PRKD1: variants seen among roughly 807,000 people sequenced by gnomAD.
PRKD1 encodes the protein protein kinase D1.
Under a neutral mutation model 95.9 loss-of-function variants are expected in PRKD1, and 63 were observed. The observed-to-expected ratio is 0.66, with a 90% CI of 0.54 to 0.81. The LOEUF is 0.81. Among genes scored for constraint, PRKD1 ranks in the 30% least tolerant of loss-of-function variants. PRKD1 has a pLI of 0.00. For synonymous variants in PRKD1, 425 were observed against 423.1 expected (o/e 1.00, Z -0.05); for missense variants, 1,048 against 1,165.3 (o/e 0.90, Z 1.47).
intron 2 of PRKD1, among the ~76,000 whole-genome samples, chr14:29,672,802 G>T (rs1282643445): frequency 3.9e-5 from 6 of 151,978 alleles, no homozygotes; most frequent in African/African-American, 1.5e-4. Context: ...TCCCCAGGCA[G>T]TTTTAGATTC....
chr14:29,890,855 A>G (rs190206250), intron 1 of PRKD1, among the ~76,000 whole-genome samples: 3 of 152,338 alleles, frequency 2.0e-5, no homozygotes, highest in Admixed American at 2.0e-4. Context: ...TATGCTGTTA[A>G]TGTTGAATGA....
At chr14:29,652,086 A>G (rs746096779) in intron 4 of PRKD1, among the ~76,000 whole-genome samples, 1 of 152,064 alleles carries the variant, frequency 6.6e-6, no homozygotes, top group Non-Finnish European at 1.5e-5. Flanking sequence ...AGAAGTTATG[A>G]GCAGTCGGTA....
At chr14:29,807,203 G>A (rs1890272269) in intron 1 of PRKD1, among the ~76,000 whole-genome samples, 1 of 152,122 alleles carries the variant, frequency 6.6e-6, no homozygotes, top group Non-Finnish European at 1.5e-5. Flanking sequence ...GCAGAGCTCA[G>A]ACGGTAATGC....
chr14:29,587,084 G>A (rs564362368), intron 16 of PRKD1, among the ~76,000 whole-genome samples: 4 of 152,314 alleles, frequency 2.6e-5, no homozygotes, highest in South Asian at 2.1e-4. Context: ...TGGGGGAGAC[G>A]TGATGATGGC....
chr14:29,842,883 G>C (rs1891914362), intron 1 of PRKD1, among the ~76,000 whole-genome samples: 1 of 152,112 alleles, frequency 6.6e-6, no homozygotes, highest in African/African-American at 2.4e-5. Flanking sequence ...TAGCAGGGAA[G>C]AGAGAATGGC....
chr14:29,697,740 G>A (rs1017391364), intron 2 of PRKD1, among the ~76,000 whole-genome samples: 2 of 151,930 alleles, frequency 1.3e-5, no homozygotes, highest in Non-Finnish European at 2.9e-5. Context: ...AATTTCTCCA[G>A]CAATTTCAGC....
At chr14:29,690,853 T>C (rs1006330046) in intron 2 of PRKD1, among the ~76,000 whole-genome samples, 2 of 152,202 alleles carry the variant, frequency 1.3e-5, no homozygotes, top group Admixed American at 1.3e-4. Flanking sequence ...TAAATCCTAG[T>C]CATCCTTCAG....
At chr14:29,924,512 C>A (rs1008641239) in intron 1 of PRKD1, among the ~76,000 whole-genome samples, 6 of 152,116 alleles carry the variant, frequency 3.9e-5, no homozygotes, top group African/African-American at 1.4e-4. Flanking sequence ...ATTTCCAATG[C>A]TCGTATGATC....
At position 29,583,399 on chromosome 14, in the gene PRKD1, C is replaced by T. The variant is rs796601564; in HGVS notation, c.2435-5039G>A. On this transcript the variant is annotated intron_variant, in intron 16 of 17. Coordinates refer to ENST00000331968, the MANE Select transcript of PRKD1 (RefSeq NM_002742.3). The stretch of plus-strand genomic sequence containing the variant: ...GCTATTTTCTCAGTTTGAATACCCC[C>T]ACCTCACACCACTTTGTTCCTGAAG... Among the ~76,000 whole-genome samples the T allele has an allele frequency of 1.2e-4, 19 of 152,214 alleles. 1 individual carries two copies. Among genetic ancestry groups the T allele is most frequent in the African/African-American group, 4.6e-4 (19 of 41,544 alleles).
chr14:29,733,964 T>A (rs1379367868), intron 1 of PRKD1, among the ~76,000 whole-genome samples: 3 of 151,696 alleles, frequency 2.0e-5, no homozygotes, highest in African/African-American at 7.3e-5. Flanking sequence ...GTCTATCACC[T>A]TTACCATTTC....
intron 16 of PRKD1, among the ~76,000 whole-genome samples, chr14:29,585,049 A>G (rs1290485792): frequency 1.3e-5 from 2 of 152,136 alleles, no homozygotes; most frequent in East Asian, 3.8e-4. Flanking sequence ...GCCTTCAGGC[A>G]AGTGTTTTCT....
At chr14:29,626,043 T>A (rs953094974) in intron 12 of PRKD1, among the ~76,000 whole-genome samples, 10 of 151,892 alleles carry the variant, frequency 6.6e-5, no homozygotes, top group Admixed American at 2.6e-4. Flanking sequence ...TAAAAAAAAA[T>A]TCAAACCTTC....
intron 1 of PRKD1, among the ~76,000 whole-genome samples, chr14:29,811,718 CA>C (rs1024285570): frequency 1.3e-5 from 2 of 152,178 alleles, no homozygotes; most frequent in African/African-American, 4.8e-5. Flanking sequence ...AAGTGGACAA[CA>C]GCACAAGTGG....
intron 1 of PRKD1, among the ~76,000 whole-genome samples, chr14:29,889,384 T>G (rs1021549474): frequency 1.3e-5 from 2 of 152,088 alleles, no homozygotes; most frequent in Non-Finnish European, 2.9e-5. Context: ...GGTTGGACAG[T>G]AGGTGCAGCC....
At position 29,790,315 on chromosome 14, in the gene PRKD1, G is replaced by A. The variant is rs151326495; in HGVS notation, c.265-64641C>T. Among the ~76,000 whole-genome samples the A allele has an allele frequency of 4.1e-3, 625 of 151,986 alleles. 3 individuals are homozygous for A. The highest frequency in any genetic ancestry group is 6.1e-3 in the Non-Finnish European group (417 of 67,968). On this transcript the variant is annotated intron_variant, in intron 1 of 17. Transcript: ENST00000331968. ...TGGGATTACAAGTGTGAGCCACCAC[G>A]CCCACAGTCTAATTATTACTTAGAT... is the stretch of plus-strand genomic sequence containing the variant.
chr14:29,703,850 G>T (rs562634230), intron 2 of PRKD1, among the ~76,000 whole-genome samples: 37 of 152,238 alleles, frequency 2.4e-4, no homozygotes, highest in Admixed American at 7.8e-4. Context: ...TATGAATCAA[G>T]ATTTGAATAC....
intron 1 of PRKD1, among the ~76,000 whole-genome samples, chr14:29,896,234 T>C (rs1291545027): frequency 1.3e-5 from 2 of 151,856 alleles, no homozygotes; most frequent in Non-Finnish European, 2.9e-5. Flanking sequence ...ATTTAGGAGG[T>C]TTTCCTATGT....
chr14:29,922,738 T>C (rs1363735467), intron 1 of PRKD1, among the ~76,000 whole-genome samples: 1 of 151,640 alleles, frequency 6.6e-6, no homozygotes, highest in African/African-American at 2.4e-5. Flanking sequence ...TTATAAAAAT[T>C]AGTCAGATGT....
intron 1 of PRKD1, among the ~76,000 whole-genome samples, chr14:29,885,699 C>T (rs1231307872): frequency 6.7e-6 from 1 of 149,744 alleles, no homozygotes; most frequent in Non-Finnish European, 1.5e-5. Flanking sequence ...GGCATGGTGG[C>T]GCACACCTTT....
Sources: allele counts gnomAD v4.1 joint callset (sites outside exome capture counted in the v4.1 genomes callset), GRCh38; gene constraint gnomAD v4.1.1; transcripts MANE v1.5; gene names NCBI Gene and HGNC (gene_info 2026-07-23, HGNC 2026-07-21).